Variants in SDK1 observed in about 807,000 individuals in gnomAD.
SDK1 encodes the protein protein sidekick-1.
In SDK1, 157 loss-of-function variants were observed where a neutral mutation model predicts 245.5. The observed-to-expected ratio is 0.64, with a 90% CI of 0.56 to 0.73. The LOEUF is 0.73. Among genes scored for constraint, SDK1 ranks in the 30% least tolerant of loss-of-function variants. The pLI, the probability that SDK1 is intolerant of heterozygous loss-of-function variation, is 0.00. For missense variants in SDK1, 3,583 were observed against 3,002.3 expected, an observed-to-expected ratio of 1.19 and a Z score of -4.52; for synonymous variants, 1,647 against 1,278.5, an observed-to-expected ratio of 1.29 and a Z score of -6.15.
chr7:3,467,071 C>G (rs1781030282), intron 1 of SDK1, among the ~76,000 whole-genome samples: 1 of 148,818 alleles, frequency 6.7e-6, no homozygotes, highest in Non-Finnish European at 1.5e-5. Flanking sequence ...TAAGGAAAGA[C>G]ATCAAAATGG....
At chr7:4,089,052 TCTCCCTCAGGTGGAGGTGAGACC>T (rs1562792711) in intron 22 of SDK1, among the ~76,000 whole-genome samples, 4 of 139,490 alleles carry the variant, frequency 2.9e-5, no homozygotes, top group African/African-American at 1.1e-4. Flanking sequence ...GAGGTGAGAC[TCTCCCTCAGGTGGAGGTGAGACC>T]CTCCCTCAGG....
intron 2 of SDK1, among the ~76,000 whole-genome samples, chr7:3,628,265 C>G (rs148523488): frequency 4.6e-5 from 7 of 152,184 alleles, no homozygotes; most frequent in African/African-American, 1.4e-4. Context: ...ATGCTTATCT[C>G]CAGTTGCATA....
intron 25 of SDK1, among the ~76,000 whole-genome samples, chr7:4,117,303 A>G (rs7802650): frequency 0.016 from 2,379 of 152,174 alleles, 62 homozygotes; most frequent in African/African-American, 0.055. Context: ...CCCCATCTCT[A>G]CAAAAAATAC....
At chr7:3,630,774 A>G (rs1210757631) in intron 2 of SDK1, among the ~76,000 whole-genome samples, 1 of 152,038 alleles carries the variant, frequency 6.6e-6, no homozygotes, top group Non-Finnish European at 1.5e-5. Context: ...ATCAATGGGC[A>G]GATACACTGT....
At chr7:3,428,585 A>G (rs1373834878) in intron 1 of SDK1, among the ~76,000 whole-genome samples, 2 of 152,188 alleles carry the variant, frequency 1.3e-5, no homozygotes, top group Non-Finnish European at 2.9e-5. Context: ...TTGTCTTCAG[A>G]AAAAAATTAT....
chr7:3,378,304 T>C (rs1781402692), intron 1 of SDK1, among the ~76,000 whole-genome samples: 2 of 152,232 alleles, frequency 1.3e-5, no homozygotes, highest in Non-Finnish European at 2.9e-5. Flanking sequence ...TGGTTTTTTG[T>C]CTTGCAGGAT....
chr7:4,170,890 G>A (rs979601867), intron 32 of SDK1, among the ~76,000 whole-genome samples: 7 of 152,094 alleles, frequency 4.6e-5, no homozygotes, highest in African/African-American at 9.7e-5. Flanking sequence ...TGTTGCCGGC[G>A]TCCCAAACAC....
chr7:3,486,509 A>G (rs952310267), intron 1 of SDK1, among the ~76,000 whole-genome samples: 2 of 151,650 alleles, frequency 1.3e-5, no homozygotes, highest in African/African-American at 4.8e-5. Context: ...CTTATTTTCA[A>G]TCTCTTGTGT....
At chr7:3,722,777 G>C (rs906774040) in intron 4 of SDK1, among the ~76,000 whole-genome samples, 1 of 152,174 alleles carries the variant, frequency 6.6e-6, no homozygotes, top group African/African-American at 2.4e-5. Flanking sequence ...ACCGCCCTCT[G>C]TCTGTTCTTA....
chr7:4,066,163 C>T (rs1447867793), intron 19 of SDK1, among the ~76,000 whole-genome samples: 1 of 152,108 alleles, frequency 6.6e-6, no homozygotes, highest in Non-Finnish European at 1.5e-5. Flanking sequence ...CCCGGTTCTG[C>T]CTTTGAACTA....
intron 1 of SDK1, among the ~76,000 whole-genome samples, chr7:3,493,989 GAC>G (rs1261280332): frequency 6.6e-6 from 1 of 152,154 alleles, no homozygotes; most frequent in Non-Finnish European, 1.5e-5. Flanking sequence ...TTCCTGTATA[GAC>G]AGTTCATTGA....
chr7:4,223,831 C>T (rs1264817296), intron 40 of SDK1, among the ~76,000 whole-genome samples: 2 of 152,158 alleles, frequency 1.3e-5, no homozygotes, highest in African/African-American at 2.4e-5. Flanking sequence ...TGTGACACTT[C>T]CAGGAGTACT....
chr7:3,333,011 T>C (rs1780107806), intron 1 of SDK1, among the ~76,000 whole-genome samples: 1 of 152,158 alleles, frequency 6.6e-6, no homozygotes, highest in South Asian at 2.1e-4. Context: ...CCTGTCAGTG[T>C]ATTGTAACCT....
intron 5 of SDK1, among the ~76,000 whole-genome samples, chr7:3,857,805 G>T: frequency 6.6e-6 from 1 of 152,068 alleles, no homozygotes; most frequent in Non-Finnish European, 1.5e-5. Flanking sequence ...TGTTCATCAG[G>T]AATAAGAGAA....
rs115248071 is a variant in SDK1, at chr7:3,771,473, C to T, written c.714-49977C>T. Among the ~76,000 whole-genome samples, 880 of 152,258 alleles carry T rather than the reference C, an allele frequency of 5.8e-3. 6 individuals carry two copies. The highest frequency in any genetic ancestry group is 0.02 in the African/African-American group (819 of 41,552). Reference sequence around the variant, plus strand: ...TTTTATAATAAACTTAACTCACCCTCATTGTTGTGCATATGTATGACTGAG... The same window carrying T: ...TTTTATAATAAACTTAACTCACCCTTATTGTTGTGCATATGTATGACTGAG... On this transcript the variant is annotated intron_variant, in intron 4 of 44. Coordinates refer to ENST00000404826, the MANE Select transcript of SDK1 (RefSeq NM_152744.4).
intron 5 of SDK1, among the ~76,000 whole-genome samples, chr7:3,860,111 G>A (rs979785501): frequency 3.3e-5 from 5 of 151,918 alleles, no homozygotes; most frequent in African/African-American, 4.8e-5. Flanking sequence ...TAGTAGGGTC[G>A]GGGTTTCACC....
chr7:3,482,487 C>T (rs774734612), intron 1 of SDK1, among the ~76,000 whole-genome samples: 6 of 152,052 alleles, frequency 3.9e-5, no homozygotes, highest in Non-Finnish European at 8.8e-5. Context: ...CCCTAAAGTC[C>T]GTAATGTAAA....
intron 1 of SDK1, 78 bp downstream of exon 1, chr7:3,301,962 C>A: frequency 9.9e-7 from 1 of 1,013,392 alleles, no homozygotes; most frequent in Non-Finnish European, 1.2e-6. Flanking sequence ...GAGAGTGTGT[C>A]CGGGGTCCCC....
At position 3,852,776 on chromosome 7, in the gene SDK1, A is replaced by AAAAT. The variant is rs1554271425; in HGVS notation, c.847+31193_847+31194insAAAT. On this transcript the variant is annotated intron_variant, in intron 5 of 44. Coordinates refer to ENST00000404826, the MANE Select transcript of SDK1 (RefSeq NM_152744.4). Reference sequence around the variant, plus strand: ...AAAAAAAAAAAAAAAAAAAAAAAAAATTTTTTTCCTTGAAATTTGCTTTTA... The same window carrying AAAAT: ...AAAAAAAAAAAAAAAAAAAAAAAAAAAAATTTTTTTTCCTTGAAATTTGCTTTTA... Among the ~76,000 whole-genome samples the AAAAT allele has an allele frequency of 8.4e-4, 120 of 142,666 alleles. 1 individual carries two copies. The highest frequency in any genetic ancestry group is 3.1e-3 in the African/African-American group (117 of 38,298). 93.6% of individuals were successfully genotyped at this position (142,666 alleles called of 152,430 possible). A position where few individuals can be genotyped will look rare whatever the true frequency, so the allele number is the denominator to read the frequency against.
Sources: gnomAD v4.1 joint callset for allele counts (sites outside exome capture counted in the v4.1 genomes callset) on GRCh38, gnomAD v4.1.1 for gene constraint, MANE v1.5 for transcripts, NCBI Gene and HGNC (gene_info 2026-07-23, HGNC 2026-07-21) for gene names.